GPC3: variants seen among roughly 807,000 people sequenced by gnomAD.
GPC3 encodes glypican-3.
GPC3 carries 3 observed loss-of-function variants against 34.4 expected under a neutral mutation model. The ratio of observed to expected loss-of-function variants is 0.09; its 90% CI spans 0.04 to 0.23. The LOEUF (loss-of-function observed/expected upper bound fraction) is 0.23, where lower values mean the gene tolerates loss of function less well. Among genes scored for constraint, GPC3 ranks in the 10% least tolerant of loss-of-function variants. The pLI is 1.00. For synonymous variants in GPC3, 177 were observed against 174.0 expected (o/e 1.02, Z -0.13); for missense variants, 351 against 445.6 (o/e 0.79, Z 1.91).
chrX:133,800,051 G>A (rs2124518518), intron 2 of GPC3, among the ~76,000 whole-genome samples: 1 of 112,040 alleles, frequency 8.9e-6, no homozygotes, highest in Non-Finnish European at 1.9e-5. Context: ...GAACAGAGAT[G>A]ACCGATTAAC....
chrX:133,965,930 T>C (rs1272028511), intron 1 of GPC3, among the ~76,000 whole-genome samples: 1 of 111,042 alleles, frequency 9.0e-6, no homozygotes, highest in Admixed American at 9.6e-5. Flanking sequence ...ACCTGGATAG[T>C]ACTGGAGAAG....
chrX:133,705,654 G>A (rs2071209078), intron 3 of GPC3, among the ~76,000 whole-genome samples: 1 of 112,157 alleles, frequency 8.9e-6, no homozygotes, highest in African/African-American at 3.2e-5. Context: ...TCTGTCACAG[G>A]CATAGGCTCT....
At chrX:133,865,304 C>G (rs2075961643) in intron 2 of GPC3, among the ~76,000 whole-genome samples, 1 of 112,059 alleles carries the variant, frequency 8.9e-6, no homozygotes, top group Non-Finnish European at 1.9e-5. Context: ...ATATAAGCAA[C>G]AAAACAATTT....
chrX:133,550,006 T>C (rs945049505), intron 7 of GPC3, among the ~76,000 whole-genome samples: 4 of 108,662 alleles, frequency 3.7e-5, no homozygotes, highest in African/African-American at 1.0e-4. Flanking sequence ...CAATTGTATC[T>C]TTCTGTTTGT....
In GPC3 at chrX:133,974,857, T is replaced by G. The variant is rs182164546; in HGVS notation, c.175+10418A>C. ...CCTCTTTTGTAATCCAAAACGCAAC[T>G]TGAACTACCTAGCAGACATTTTCTA... On this transcript the variant is annotated intron_variant, in intron 1 of 7. Transcript: ENST00000370818. Among the ~76,000 whole-genome samples the G allele has an allele frequency of 8.7e-4, 97 of 111,388 alleles. 1 individual carries two copies. Among genetic ancestry groups the G allele is most frequent in the African/African-American group, 3.0e-3 (93 of 30,643 alleles).
At chrX:133,673,527 A>G (rs928535408) in intron 5 of GPC3, among the ~76,000 whole-genome samples, 1 of 112,553 alleles carries the variant, frequency 8.9e-6, no homozygotes, top group Non-Finnish European at 1.9e-5. Flanking sequence ...ATAATGATCA[A>G]TAATTGTTGT....
intron 5 of GPC3, among the ~76,000 whole-genome samples, chrX:133,691,332 A>G (rs770735324): frequency 1.5e-4 from 16 of 109,623 alleles, no homozygotes; most frequent in Non-Finnish European, 2.3e-4. Flanking sequence ...AACCCCATCT[A>G]TACTAAAAAT....
intron 3 of GPC3, among the ~76,000 whole-genome samples, chrX:133,749,254 C>T (rs1467677835): frequency 8.9e-6 from 1 of 111,844 alleles, no homozygotes; most frequent in Non-Finnish European, 1.9e-5. Context: ...GAGTGAGACC[C>T]TGTCTCAAAA....
chrX:133,886,098 A>G (rs2076060540), intron 2 of GPC3, among the ~76,000 whole-genome samples: 1 of 111,685 alleles, frequency 9.0e-6, no homozygotes, highest in Non-Finnish European at 1.9e-5. Flanking sequence ...ATCTTCATTC[A>G]ATTATCTAAT....
intron 3 of GPC3, among the ~76,000 whole-genome samples, chrX:133,714,861 C>A (rs2071300027): frequency 8.9e-6 from 1 of 111,970 alleles, no homozygotes; most frequent in South Asian, 3.8e-4. Context: ...TTCCTCCTCT[C>A]CAGTTCTGAA....
intron 2 of GPC3, among the ~76,000 whole-genome samples, chrX:133,891,638 A>T (rs1161925464): frequency 7.5e-5 from 8 of 107,236 alleles, no homozygotes; most frequent in Non-Finnish European, 1.3e-4. Flanking sequence ...ATAAATAAAT[A>T]ATTATTATAA....
At chrX:133,605,587 A>G (rs2070040682) in intron 6 of GPC3, among the ~76,000 whole-genome samples, 1 of 112,324 alleles carries the variant, frequency 8.9e-6, no homozygotes, top group East Asian at 2.8e-4. Flanking sequence ...AGAATAATGC[A>G]TGTAAAGTGC....
intron 2 of GPC3, among the ~76,000 whole-genome samples, chrX:133,941,661 C>A (rs1392517325): frequency 1.8e-5 from 2 of 111,915 alleles, no homozygotes; most frequent in Non-Finnish European, 3.8e-5. Context: ...ATCTTTGATT[C>A]ATGCTAAGGC....
Position 133,902,834 on chromosome X carries a change from A to G in GPC3, c.337+50216T>C, listed in dbSNP as rs781763573. 3.6e-5 allele frequency among the ~76,000 whole-genome samples: 4 copies of G among 110,702 alleles called. No individual in the cohort carries two copies. The South Asian group carries it at 1.5e-3, about 41-fold the overall frequency. The stretch of plus-strand genomic sequence containing the variant: ...TTAATATTCTAGTATATTTCCTTAT[A>G]GCATTTTCTATCTGTATACTATAGT... On this transcript the variant is annotated intron_variant, in intron 2 of 7. Transcript: ENST00000370818.
intron 7 of GPC3, among the ~76,000 whole-genome samples, chrX:133,546,882 G>A (rs974165722): frequency 8.9e-6 from 1 of 112,414 alleles, no homozygotes; most frequent in African/African-American, 3.2e-5. Context: ...CAGGTTTGTT[G>A]TAGTACTATT....
At chrX:133,680,277 T>C (rs946254181) in intron 5 of GPC3, among the ~76,000 whole-genome samples, 1 of 112,004 alleles carries the variant, frequency 8.9e-6, no homozygotes, top group African/African-American at 3.3e-5. Context: ...CAACCCCAAC[T>C]GCTGTATCCC....
chrX:133,600,628 A>G (rs1220782015), intron 6 of GPC3, among the ~76,000 whole-genome samples: 1 of 111,734 alleles, frequency 8.9e-6, no homozygotes, highest in Non-Finnish European at 1.9e-5. Context: ...GTTAATGCGA[A>G]AATCTTAAAG....
chrX:133,802,795 T>C (rs189700618), intron 2 of GPC3, among the ~76,000 whole-genome samples: 3 of 111,013 alleles, frequency 2.7e-5, no homozygotes, highest in Admixed American at 9.6e-5. Context: ...GCCCAGAAAA[T>C]AGGGACTGTG....
chrX:133,896,729 A>T (rs760598179), intron 2 of GPC3, among the ~76,000 whole-genome samples: 5 of 110,882 alleles, frequency 4.5e-5, no homozygotes, highest in Non-Finnish European at 9.4e-5. Context: ...AATGTCAGGC[A>T]TTTCCACACA....
Sources: gnomAD v4.1 joint callset for allele counts (sites outside exome capture counted in the v4.1 genomes callset) on GRCh38, gnomAD v4.1.1 for gene constraint, MANE v1.5 for transcripts, NCBI Gene and HGNC (gene_info 2026-07-23, HGNC 2026-07-21) for gene names.